The following EFNA5 variants were observed in gnomAD, a reference collection of about 807,000 sequenced individuals.
EFNA5 encodes the protein ephrin A5, also known as ephrin-A5.
EFNA5 carries 5 observed loss-of-function variants against 22.9 expected under a neutral mutation model. The ratio of observed to expected loss-of-function variants is 0.22; its 90% CI spans 0.11 to 0.46. The LOEUF is 0.46. Ranked by LOEUF, EFNA5 falls within the 20% of genes least tolerant of loss-of-function variation. The pLI, the probability that EFNA5 is intolerant of heterozygous loss-of-function variation, is 0.99. For missense variants in EFNA5, 237 were observed against 293.3 expected, an observed-to-expected ratio of 0.81 and a Z score of 1.40; for synonymous variants, 113 against 112.2, an observed-to-expected ratio of 1.01 and a Z score of -0.04.
chr5:107,393,856 T>C (rs1185957897), intron 2 of EFNA5, among the ~76,000 whole-genome samples: 1 of 152,192 alleles, frequency 6.6e-6, no homozygotes, highest in African/African-American at 2.4e-5. Context: ...TCCTAGAATT[T>C]GATGAATCAA....
intron 1 of EFNA5, among the ~76,000 whole-genome samples, chr5:107,443,931 T>A (rs1481887290): frequency 6.6e-6 from 1 of 152,164 alleles, no homozygotes; most frequent in East Asian, 1.9e-4. Flanking sequence ...ACACTTGAAA[T>A]GCCTGAATGT....
chr5:107,599,093 C>T (rs560989156), intron 1 of EFNA5, among the ~76,000 whole-genome samples: 5 of 152,048 alleles, frequency 3.3e-5, no homozygotes, highest in East Asian at 1.9e-4. Context: ...AAGAAGTCTA[C>T]GAGGAAATGG....
At chr5:107,644,482 C>T (rs10515374) in intron 1 of EFNA5, among the ~76,000 whole-genome samples, 16,073 of 152,066 alleles carry the variant, frequency 0.11, 1,170 homozygotes, top group Non-Finnish European at 0.15. Context: ...ATACTTGCAT[C>T]CAAAGAAATC....
intron 1 of EFNA5, among the ~76,000 whole-genome samples, chr5:107,524,374 G>A (rs1747654258): frequency 6.6e-6 from 1 of 152,198 alleles, no homozygotes; most frequent in Non-Finnish European, 1.5e-5. Flanking sequence ...ATGGCCCACA[G>A]CACAGGTTGA....
At chr5:107,410,677 ATAACTT>A (rs1309364398) in intron 2 of EFNA5, among the ~76,000 whole-genome samples, 1 of 152,222 alleles carries the variant, frequency 6.6e-6, no homozygotes, top group African/African-American at 2.4e-5. Context: ...AGGAAAAAAA[ATAACTT>A]TAACAAAATT....
chr5:107,648,490 T>C (rs1750670197), intron 1 of EFNA5, among the ~76,000 whole-genome samples: 1 of 152,216 alleles, frequency 6.6e-6, no homozygotes, highest in African/African-American at 2.4e-5. Flanking sequence ...TGGTACATTT[T>C]ATAGCTGTGA....
At chr5:107,429,494 T>C (rs1748892687) in intron 1 of EFNA5, among the ~76,000 whole-genome samples, 1 of 152,126 alleles carries the variant, frequency 6.6e-6, no homozygotes, top group Admixed American at 6.5e-5. Flanking sequence ...GGATGCTAAA[T>C]ATTCATTGAC....
intron 1 of EFNA5, among the ~76,000 whole-genome samples, chr5:107,614,309 T>C (rs1215646952): frequency 1.3e-5 from 2 of 152,168 alleles, no homozygotes; most frequent in African/African-American, 4.8e-5. Flanking sequence ...CAACTGAATA[T>C]TCGACATATT....
chr5:107,634,581 G>C lies in EFNA5; in HGVS notation c.125+35908C>G, dbSNP rs548324947. Among the ~76,000 whole-genome samples, 23 of 145,192 alleles carry C rather than the reference G, an allele frequency of 1.6e-4. 5 individuals are homozygous for C. The South Asian group carries it at 2.2e-3, about 14-fold the overall frequency. On this transcript the variant is annotated intron_variant, in intron 1 of 4. Coordinates refer to ENST00000333274, the MANE Select transcript of EFNA5 (RefSeq NM_001962.3). ...TGTTCAAAAACTTCCAGGAAAACAG[G>C]TACCCTCCTACCAACGCCCTGGGGA...
At chr5:107,580,721 CAA>C (rs56868732) in intron 1 of EFNA5, among the ~76,000 whole-genome samples, 26,602 of 82,704 alleles carry the variant, frequency 0.32, 2,299 homozygotes, top group Middle Eastern at 0.41. Flanking sequence ...GACTCCATCT[CAA>C]AAAAAAAAAA....
At chr5:107,494,315 G>T (rs941807687) in intron 1 of EFNA5, among the ~76,000 whole-genome samples, 8 of 152,202 alleles carry the variant, frequency 5.3e-5, no homozygotes, top group Non-Finnish European at 1.0e-4. Flanking sequence ...GGGTGGGCGT[G>T]GGCTTGGCGG....
chr5:107,493,947 G>A (rs1360041108), intron 1 of EFNA5, among the ~76,000 whole-genome samples: 1 of 152,220 alleles, frequency 6.6e-6, no homozygotes, highest in African/African-American at 2.4e-5. Flanking sequence ...GGCTGAAACG[G>A]AAGCAGGCTG....
At chr5:107,483,324 C>T (rs951043371) in intron 1 of EFNA5, among the ~76,000 whole-genome samples, 1 of 152,156 alleles carries the variant, frequency 6.6e-6, no homozygotes, top group Non-Finnish European at 1.5e-5. Context: ...ATGGAATCCA[C>T]CTGGCTTAAT....
chr5:107,389,524 T>C (rs1747729335), intron 2 of EFNA5, among the ~76,000 whole-genome samples: 1 of 152,232 alleles, frequency 6.6e-6, no homozygotes, highest in African/African-American at 2.4e-5. Flanking sequence ...GAACTTGATT[T>C]GCTACATGCA....
At chr5:107,641,273 A>C (rs752545176) in intron 1 of EFNA5, among the ~76,000 whole-genome samples, 1 of 151,884 alleles carries the variant, frequency 6.6e-6, no homozygotes, top group African/African-American at 2.4e-5. Context: ...AGCAGGAATC[A>C]CTTGAACCCA....
At chr5:107,576,834 G>A (rs1748939259) in intron 1 of EFNA5, among the ~76,000 whole-genome samples, 1 of 152,160 alleles carries the variant, frequency 6.6e-6, no homozygotes, top group Non-Finnish European at 1.5e-5. Context: ...AACTGCTGAA[G>A]TTGTACAATA....
chr5:107,409,553 T>C (rs538741085), intron 2 of EFNA5, among the ~76,000 whole-genome samples: 1 of 152,212 alleles, frequency 6.6e-6, no homozygotes, highest in Non-Finnish European at 1.5e-5. Flanking sequence ...GGAAGGCATA[T>C]GTATTAGTGA....
chr5:107,430,945 T>G (rs1463257305), intron 1 of EFNA5, among the ~76,000 whole-genome samples: 1 of 151,962 alleles, frequency 6.6e-6, no homozygotes, highest in Non-Finnish European at 1.5e-5. Flanking sequence ...CCAGTTGATT[T>G]TTGTATTTTT....
intron 1 of EFNA5, among the ~76,000 whole-genome samples, chr5:107,549,018 C>T (rs1748229757): frequency 6.6e-6 from 1 of 152,126 alleles, no homozygotes; most frequent in Non-Finnish European, 1.5e-5. Flanking sequence ...AATTGATTTA[C>T]CCAATAGTTT....
Sources: allele counts gnomAD v4.1 joint callset (sites outside exome capture counted in the v4.1 genomes callset), GRCh38; gene constraint gnomAD v4.1.1; transcripts MANE v1.5; gene names NCBI Gene and HGNC (gene_info 2026-07-23, HGNC 2026-07-21).